The following ASL variants were observed in gnomAD, a reference collection of about 807,000 sequenced individuals.
ASL encodes the protein argininosuccinate lyase.
ASL carries 51 observed loss-of-function variants against 69.1 expected under a neutral mutation model. That is an observed-to-expected ratio of 0.74 (90% CI 0.59 to 0.93). The LOEUF is 0.93. ASL is among the 40% of genes least tolerant of loss of function. The pLI, the probability that ASL is intolerant of heterozygous loss-of-function variation, is 0.00. For missense variants in ASL, 540 were observed against 623.9 expected (o/e 0.87, Z 1.43); for synonymous variants, 241 against 247.6 (o/e 0.97, Z 0.25).
intron 2 of ASL, among the ~76,000 whole-genome samples, chr7:66,080,692 C>G (rs561716078): frequency 6.6e-6 from 1 of 152,300 alleles, no homozygotes; most frequent in South Asian, 2.1e-4. Context: ...CCACTGCACT[C>G]CAGCCTAGGC....
Position 66,092,613 on chromosome 7 carries a change from C to G in ASL, c.1200C>G (p.Thr400=), listed in dbSNP as rs370291313. 312 of 1,613,068 alleles carry G rather than the reference C, an allele frequency of 1.9e-4. 1 individual carries two copies. Among genetic ancestry groups the G allele is most frequent in the Non-Finnish European group, 2.2e-4 (260 of 1,180,012 alleles). The part of the protein sequence containing the change: ...ASGKAVFMAE[T]KGVALNQLSL... ...GGAAAGCTGTGTTCATGGCCGAGAC[C>G]AAGGGGGTCGCCCTCAACCAGCTGT... Residue 400 remains threonine (T), a synonymous_variant, in exon 16 of 17, where the codon ACC becomes ACG. Coordinates refer to ENST00000304874, the MANE Select transcript of ASL (RefSeq NM_000048.4).
chr7:66,075,989 C>CG, intron 1 of ASL, 50 bp from the exon 2 acceptor site: 3 of 1,529,244 alleles, frequency 2.0e-6, no homozygotes, highest in East Asian at 2.4e-5. Context: ...CAGCCCGGCC[C>CG]GGGGGACCCT....
At chr7:66,079,318 T>C (rs928413070) in intron 2 of ASL, among the ~76,000 whole-genome samples, 3 of 152,172 alleles carry the variant, frequency 2.0e-5, no homozygotes, top group Admixed American at 2.0e-4. Context: ...CATTGTAGAC[T>C]CCCTTCCACA....
rs149370610 is a variant in ASL at position 66,092,607 on chromosome 7, C to T, written c.1194C>T (p.Ala398=). The change falls in exon 16 of 17, where the codon GCC becomes GCT. Residue 398 remains alanine, a synonymous_variant. Coordinates refer to ENST00000304874, the MANE Select transcript of ASL (RefSeq NM_000048.4). Reference sequence around the variant, plus strand: ...CCTCCGGGAAAGCTGTGTTCATGGCCGAGACCAAGGGGGTCGCCCTCAACC... The same window carrying T: ...CCTCCGGGAAAGCTGTGTTCATGGCTGAGACCAAGGGGGTCGCCCTCAACC... ...HEASGKAVFM[A]ETKGVALNQL... is the part of the protein sequence containing the mutation. 203 of 1,612,872 alleles carry T rather than the reference C, an allele frequency of 1.3e-4. No homozygotes were observed. The highest frequency in any genetic ancestry group is 1.6e-4 in the Non-Finnish European group (191 of 1,180,004).
intron 3 of ASL, 59 bp from the exon 4 acceptor site, chr7:66,082,309 G>T (rs1015741360): frequency 1.1e-5 from 16 of 1,504,054 alleles, no homozygotes; most frequent in Non-Finnish European, 1.5e-5. Flanking sequence ...CAAGGCAGGG[G>T]CTCTCTTGGC....
chr7:66,090,272 T>C (rs528229351), intron 14 of ASL, among the ~76,000 whole-genome samples: 151 of 152,112 alleles, frequency 9.9e-4, no homozygotes, highest in East Asian at 5.8e-4. Context: ...AAATTAAATA[T>C]CTTTAAAAAA....
At chr7:66,076,668 T>C (rs1384545518) in intron 2 of ASL, among the ~76,000 whole-genome samples, 1 of 152,138 alleles carries the variant, frequency 6.6e-6, no homozygotes, top group African/African-American at 2.4e-5. Flanking sequence ...TGGCCTCTCC[T>C]CCTGACCACT....
At chr7:66,082,028 G>T (rs1317970312) in intron 3 of ASL, 31 bp downstream of exon 3, 40 of 1,574,776 alleles carry the variant, frequency 2.5e-5, no homozygotes, top group Non-Finnish European at 3.4e-5. Context: ...CCCACCCAAG[G>T]CCCCTTCCCT....
chr7:66,085,186 A>T (rs996313704), intron 6 of ASL, among the ~76,000 whole-genome samples: 1 of 152,190 alleles, frequency 6.6e-6, no homozygotes, highest in Non-Finnish European at 1.5e-5. Flanking sequence ...TGGTTTATTT[A>T]AAACAACAGG....
intron 2 of ASL, among the ~76,000 whole-genome samples, chr7:66,078,157 AG>A (rs1786400414): frequency 6.6e-6 from 1 of 152,238 alleles, no homozygotes; most frequent in Non-Finnish European, 1.5e-5. Context: ...AGGGTGGCCC[AG>A]GAGCCCGCTG....
chr7:66,087,761 A>AT lies in ASL; in HGVS notation c.689dup (p.Met230IlefsTer5). On this transcript the variant is annotated frameshift_variant, in exon 10 of 17. Transcript: ENST00000304874. LOFTEE classifies it high-confidence loss of function. ...CTTTGGGGCCATCACTCTCAACAGC[A>AT]TGGATGCCACTAGTGAGCGGGACTT... 6.2e-7 allele frequency: 1 copy of AT among 1,614,136 alleles called. No individual in the cohort carries two copies. The highest frequency in any genetic ancestry group is 1.1e-5 in the South Asian group (1 of 91,090).
At position 66,086,664 on chromosome 7, in the gene ASL, T is replaced by G. The variant is rs869312976; in HGVS notation, c.524+2T>G. 7 of 1,613,644 alleles carry G rather than the reference T, an allele frequency of 4.3e-6. No individual in the cohort carries two copies. Among genetic ancestry groups the G allele is most frequent in the Non-Finnish European group, 5.9e-6 (7 of 1,179,986 alleles). Reference sequence around the variant, plus strand: ...CCGCTGGAGCCACTGGATTCTGAGGTGAGCCAGGTGAGGTGCAGGGGCTGT... The same window carrying G: ...CCGCTGGAGCCACTGGATTCTGAGGGGAGCCAGGTGAGGTGCAGGGGCTGT... On this transcript the variant is annotated splice_donor_variant, in intron 7 of 16. Coordinates refer to ENST00000304874, the MANE Select transcript of ASL (RefSeq NM_000048.4). LOFTEE classifies it high-confidence loss of function.
At position 66,076,910 on chromosome 7, in the gene ASL, C is replaced by T. The variant is rs182546800; in HGVS notation, c.12+817C>T. Reference sequence around the variant, plus strand: ...TTTTGGCCTTCATTAGCTAGCAATTCACTTCCTCTTTCTCAATGCCCTGCA... The same window carrying T: ...TTTTGGCCTTCATTAGCTAGCAATTTACTTCCTCTTTCTCAATGCCCTGCA... On this transcript the variant is annotated intron_variant, in intron 2 of 16. Transcript: ENST00000304874. 8.3e-4 allele frequency among the ~76,000 whole-genome samples: 126 copies of T among 152,272 alleles called. 1 individual carries two copies. The South Asian group carries it at 0.012, about 15-fold the overall frequency.
chr7:66,087,718 C>T lies in ASL; in HGVS notation c.656-11C>T, dbSNP rs1411725574. 1.2e-6 allele frequency: 2 copies of T among 1,613,920 alleles called. No individual in the cohort carries two copies. The highest frequency in any genetic ancestry group is 1.7e-6 in the Non-Finnish European group (2 of 1,179,998). On this transcript the variant is annotated splice_polypyrimidine_tract_variant and intron_variant, in intron 9 of 16. Transcript: ENST00000304874. ...CCTCCAGCTTAGCCCTGCTTCCTCCCACCCCCCCAGAACTCAACTTTGGGG... is the reference window on the plus strand; with the variant it reads ...CCTCCAGCTTAGCCCTGCTTCCTCCTACCCCCCCAGAACTCAACTTTGGGG...
At chr7:66,078,662 T>G (rs1786416111) in intron 2 of ASL, among the ~76,000 whole-genome samples, 1 of 151,956 alleles carries the variant, frequency 6.6e-6, no homozygotes, top group South Asian at 2.1e-4. Flanking sequence ...TAAGAAGGAG[T>G]CTTGCTCTGT....
rs745879525 is a variant in ASL at position 66,086,875 on chromosome 7, C to T, written c.602+54C>T. Reference sequence around the variant, plus strand: ...CTGGTGGGGGTGGCTGCTGCATAGCCTTAGGGATTGACAGAGCTGGGAAGT... The same window carrying T: ...CTGGTGGGGGTGGCTGCTGCATAGCTTTAGGGATTGACAGAGCTGGGAAGT... On this transcript the variant is annotated intron_variant, in intron 8 of 16. Coordinates refer to ENST00000304874, the MANE Select transcript of ASL (RefSeq NM_000048.4). 3.3e-6 allele frequency: 5 copies of T among 1,531,038 alleles called. No individual in the cohort carries two copies. The African/African-American group carries it at 5.5e-5, about 17-fold the overall frequency. The allele number at this position is 1,531,038 out of a possible 1,614,324, so 94.8% of individuals were successfully genotyped here.
In ASL at chr7:66,092,471, A is replaced by G. The variant is rs1435866171; in HGVS notation, c.1144-86A>G. 1.1e-4 allele frequency: 148 copies of G among 1,318,998 alleles called. 2 individuals carry two copies. The South Asian group carries it at 1.8e-3, about 16-fold the overall frequency. The allele number at this position is 1,318,998 out of a possible 1,614,324, so 81.7% of individuals were successfully genotyped here. On this transcript the variant is annotated intron_variant, in intron 15 of 16. Transcript: ENST00000304874. ...ACTTTGTGTCAAAAAGAAAAAAAAA[A>G]AAAAAAGGAAGGGGGTGCAGGCAAT...
chr7:66,080,995 C>T (rs1786487764), intron 2 of ASL, among the ~76,000 whole-genome samples: 1 of 152,212 alleles, frequency 6.6e-6, no homozygotes, highest in Non-Finnish European at 1.5e-5. Context: ...GAGCCAAGTC[C>T]AGAAGCCCTG....
At position 66,081,966 on chromosome 7, in the gene ASL, A is replaced by T; in HGVS notation, c.176A>T (p.Glu59Val). ...AAGGCAGGGCTCCTCACCAAGGCCG[A>T]GATGGACCAGATACTCCATGGCCTA... is the stretch of plus-strand genomic sequence containing the variant. ...LEKAGLLTKA[E>V]MDQILHGLDK... The change falls in exon 3 of 17, where the codon GAG (glutamate) becomes GTG (valine). Residue 59 changes from glutamate (E) to valine (V), a missense_variant. Transcript: ENST00000304874. The T allele has an allele frequency of 6.2e-7, 1 of 1,612,216 alleles. No individual in the cohort carries two copies. The highest frequency in any genetic ancestry group is 8.5e-7 in the Non-Finnish European group (1 of 1,179,430).
Sources: gnomAD v4.1 joint callset for allele counts (sites outside exome capture counted in the v4.1 genomes callset) on GRCh38, gnomAD v4.1.1 for gene constraint, MANE v1.5 for transcripts, NCBI Gene and HGNC (gene_info 2026-07-23, HGNC 2026-07-21) for gene names.